CCDC192: variants seen among roughly 807,000 people sequenced by gnomAD.
CCDC192 encodes coiled-coil domain containing 192.
chr5:127,922,518 C>T (rs991626454), intron 6 of CCDC192, among the ~76,000 whole-genome samples: 7 of 152,198 alleles, frequency 4.6e-5, no homozygotes, highest in African/African-American at 1.7e-4. Flanking sequence ...GCAGGCAGAT[C>T]GCTTGAGCAC....
chr5:127,888,149 C>T (rs1024532879), intron 6 of CCDC192, among the ~76,000 whole-genome samples: 15 of 151,988 alleles, frequency 9.9e-5, no homozygotes, highest in African/African-American at 3.4e-4. Context: ...GGTGCAGTGG[C>T]TCCCGCCTGT....
chr5:127,898,746 C>T (rs1752962817), intron 6 of CCDC192, among the ~76,000 whole-genome samples: 1 of 152,054 alleles, frequency 6.6e-6, no homozygotes, highest in African/African-American at 2.4e-5. Context: ...CAGTGTCCTT[C>T]AGTGAAGGGT....
At chr5:127,939,704 C>G (rs1306227806) in intron 6 of CCDC192, among the ~76,000 whole-genome samples, 1 of 124,314 alleles carries the variant, frequency 8.0e-6, no homozygotes, top group Admixed American at 8.4e-5. Context: ...TTTTTTTTTG[C>G]CTGCGCGCAC....
intron 5 of CCDC192, among the ~76,000 whole-genome samples, chr5:127,855,881 A>G (rs1470679406): frequency 6.6e-6 from 1 of 152,232 alleles, no homozygotes; most frequent in Non-Finnish European, 1.5e-5. Flanking sequence ...CAAGTAAAGC[A>G]TGCTGTAAAC....
intron 6 of CCDC192, among the ~76,000 whole-genome samples, chr5:127,875,872 G>T (rs1322354634): frequency 6.6e-6 from 1 of 151,958 alleles, no homozygotes; most frequent in Non-Finnish European, 1.5e-5. Flanking sequence ...TGCTCGTTAA[G>T]GGAAAGTCTG....
chr5:127,710,085 T>G (rs1343828175), intron 2 of CCDC192, among the ~76,000 whole-genome samples: 1 of 152,154 alleles, frequency 6.6e-6, no homozygotes, highest in African/African-American at 2.4e-5. Flanking sequence ...ATGGGTAAGC[T>G]TGGGATCCCT....
chr5:127,876,322 T>C (rs1241228579), intron 6 of CCDC192, among the ~76,000 whole-genome samples: 3 of 152,186 alleles, frequency 2.0e-5, no homozygotes, highest in African/African-American at 7.2e-5. Context: ...TACAGTGCTA[T>C]GGGCCAGGTA....
chr5:127,725,590 AC>A (rs1158111631), intron 2 of CCDC192, among the ~76,000 whole-genome samples: 1 of 152,204 alleles, frequency 6.6e-6, no homozygotes, highest in African/African-American at 2.4e-5. Flanking sequence ...TGTATTTTAT[AC>A]TTAAAACACA....
intron 3 of CCDC192, among the ~76,000 whole-genome samples, chr5:127,781,234 C>CT (rs1371870708): frequency 6.6e-6 from 1 of 152,018 alleles, no homozygotes; most frequent in Admixed American, 6.5e-5. Flanking sequence ...TGACTATGGC[C>CT]TTATAGTATA....
chr5:127,933,918 C>T (rs1313697610), intron 6 of CCDC192, among the ~76,000 whole-genome samples: 1 of 152,184 alleles, frequency 6.6e-6, no homozygotes, highest in Non-Finnish European at 1.5e-5. Flanking sequence ...GCACTTTGAT[C>T]GTCAACTTCC....
chr5:127,915,106 G>A (rs1385963572), intron 6 of CCDC192, among the ~76,000 whole-genome samples: 1 of 152,108 alleles, frequency 6.6e-6, no homozygotes, highest in Non-Finnish European at 1.5e-5. Flanking sequence ...CCAGAATAAA[G>A]TGAATATTGC....
At chr5:127,719,923 C>G (rs867154948) in intron 2 of CCDC192, among the ~76,000 whole-genome samples, 2 of 151,918 alleles carry the variant, frequency 1.3e-5, no homozygotes, top group South Asian at 2.1e-4. Flanking sequence ...GTCCACCCCC[C>G]GATCCAATCA....
chr5:127,768,155 G>A (rs1755339035), intron 3 of CCDC192, among the ~76,000 whole-genome samples: 1 of 152,104 alleles, frequency 6.6e-6, no homozygotes, highest in Admixed American at 6.5e-5. Flanking sequence ...AGGAGGCTGA[G>A]GCAGGAGAAT....
chr5:127,703,383 T>G (rs147124239), upstream of CCDC192: 36 of 398,928 alleles, frequency 9.0e-5, no homozygotes, highest in Non-Finnish European at 1.5e-4. Flanking sequence ...TCTAAAACTC[T>G]AAAGAATGAT....
chr5:127,908,333 A>G (rs887560135), intron 6 of CCDC192, among the ~76,000 whole-genome samples: 3 of 152,198 alleles, frequency 2.0e-5, no homozygotes, highest in Non-Finnish European at 4.4e-5. Context: ...CCCCTTAGGA[A>G]TTTAGAGGTC....
At chr5:127,757,559 A>G (rs770734271) in intron 3 of CCDC192, among the ~76,000 whole-genome samples, 3 of 151,966 alleles carry the variant, frequency 2.0e-5, no homozygotes, top group African/African-American at 7.3e-5. Flanking sequence ...CTATTTTAAA[A>G]TTTAAGTCAA....
chr5:127,860,205 G>T (rs2127102670), intron 5 of CCDC192, among the ~76,000 whole-genome samples: 1 of 152,260 alleles, frequency 6.6e-6, no homozygotes, highest in Non-Finnish European at 1.5e-5. Context: ...CCAAAAGAAA[G>T]GGATTATGCT....
intron 5 of CCDC192, among the ~76,000 whole-genome samples, chr5:127,856,310 C>T (rs1394287452): frequency 6.6e-6 from 1 of 152,214 alleles, no homozygotes; most frequent in Non-Finnish European, 1.5e-5. Flanking sequence ...TTTTCCTCTG[C>T]AGCTTTCTTA....
At chr5:127,759,333 G>T (rs1448042198) in intron 3 of CCDC192, among the ~76,000 whole-genome samples, 4 of 152,190 alleles carry the variant, frequency 2.6e-5, no homozygotes, top group Non-Finnish European at 5.9e-5. Flanking sequence ...ATAGTATGTG[G>T]TGGTGGGATC....
Sources: allele counts gnomAD v4.1 joint callset (sites outside exome capture counted in the v4.1 genomes callset), GRCh38; gene constraint gnomAD v4.1.1; transcripts MANE v1.5; gene names NCBI Gene and HGNC (gene_info 2026-07-23, HGNC 2026-07-21).